The following TCF20 variants were observed in gnomAD, a reference collection of about 807,000 sequenced individuals.
TCF20 encodes SPRE-binding protein.
In TCF20, 3 loss-of-function variants were observed where a neutral mutation model predicts 148.6. The observed-to-expected ratio is 0.02, with a 90% CI of 0.01 to 0.05. The LOEUF (loss-of-function observed/expected upper bound fraction) is 0.05, where lower values mean the gene tolerates loss of function less well. Among genes scored for constraint, TCF20 ranks in the 10% least tolerant of loss-of-function variants. The pLI is 1.00. For missense variants in TCF20, 2,350 were observed against 2,429.3 expected, an observed-to-expected ratio of 0.97 and a Z score of 0.69; for synonymous variants, 1,049 against 909.5, an observed-to-expected ratio of 1.15 and a Z score of -2.76.
At chr22:42,324,012 T>G (rs1261888132) in intron 1 of TCF20, among the ~76,000 whole-genome samples, 3 of 16,040 alleles carry the variant, frequency 1.9e-4, no homozygotes, top group African/African-American at 7.3e-4. Flanking sequence ...TGGCGGAGGT[T>G]ATGGTGGTGG....
At chr22:42,233,658 A>T (rs1569171524) in intron 1 of TCF20, among the ~76,000 whole-genome samples, 1 of 152,260 alleles carries the variant, frequency 6.6e-6, no homozygotes, top group Non-Finnish European at 1.5e-5. Context: ...CAGAGCAAGC[A>T]ATCGAACACT....
At chr22:42,269,514 T>G (rs1055598630) in intron 1 of TCF20, among the ~76,000 whole-genome samples, 85 of 152,238 alleles carry the variant, frequency 5.6e-4, no homozygotes, top group African/African-American at 1.9e-3. Context: ...CAGAGGACAG[T>G]GCACCTCCCG....
rs1476273940 is a variant in TCF20, at chr22:42,270,446, G to A, written c.-144C>T. ...GCGGGGTGGGGGTGGGGGTGGCTCC[G>A]CCGCCTCCAGCTCGGGCGCCCGGGC... On this transcript the variant is annotated 5_prime_UTR_variant, in exon 1 of 6. Coordinates refer to ENST00000677622, the MANE Select transcript of TCF20 (RefSeq NM_001378418.1). 1.4e-5 allele frequency among the ~76,000 whole-genome samples: 2 copies of A among 144,512 alleles called. No homozygotes were observed. Among genetic ancestry groups the A allele is most frequent in the Non-Finnish European group, 1.5e-5 (1 of 65,236 alleles). The allele number at this position is 144,512 out of a possible 152,430, so 94.8% of individuals were successfully genotyped here.
chr22:42,187,038 T>C (rs1198894706), intron 2 of TCF20, among the ~76,000 whole-genome samples: 7 of 152,200 alleles, frequency 4.6e-5, no homozygotes, highest in African/African-American at 1.7e-4. Context: ...AATGACTCCT[T>C]TGCTGCCTGC....
intron 1 of TCF20, among the ~76,000 whole-genome samples, chr22:42,216,696 A>G (rs571338457): frequency 1.2e-4 from 19 of 152,354 alleles, no homozygotes; most frequent in African/African-American, 4.3e-4. Flanking sequence ...GGCCATTACT[A>G]TGAAAGAATT....
chr22:42,174,663 G>A (rs1936327896), intron 3 of TCF20, among the ~76,000 whole-genome samples: 2 of 152,136 alleles, frequency 1.3e-5, no homozygotes, highest in African/African-American at 4.8e-5. Context: ...AGGATCGCTT[G>A]AGCCTAAGAG....
chr22:42,168,195 A>G (rs549181851), intron 5 of TCF20, among the ~76,000 whole-genome samples: 1 of 152,252 alleles, frequency 6.6e-6, no homozygotes, highest in Non-Finnish European at 1.5e-5. Flanking sequence ...AAAACACACC[A>G]TAAGCTTTAC....
intron 1 of TCF20, among the ~76,000 whole-genome samples, chr22:42,258,859 A>G (rs963909172): frequency 2.6e-5 from 4 of 152,188 alleles, no homozygotes; most frequent in African/African-American, 9.7e-5. Context: ...AAGTATTTAT[A>G]TTAAAAGAAA....
intron 1 of TCF20, among the ~76,000 whole-genome samples, chr22:42,332,925 G>A (rs970419002): frequency 3.9e-5 from 6 of 152,322 alleles, no homozygotes; most frequent in African/African-American, 1.4e-4. Flanking sequence ...GCAGGTGGGG[G>A]TTGACTGGGA....
At chr22:42,204,933 G>A (rs1018066037) in intron 2 of TCF20, among the ~76,000 whole-genome samples, 3 of 152,084 alleles carry the variant, frequency 2.0e-5, no homozygotes, top group Non-Finnish European at 4.4e-5. Context: ...AGTTTCCCAA[G>A]GGGGGTTGGA....
chr22:42,251,492 CTTTTTTTTTTTTTTTTTT>C (rs71184878), intron 1 of TCF20, among the ~76,000 whole-genome samples: 1 of 47,008 alleles, frequency 2.1e-5, no homozygotes, highest in Non-Finnish European at 3.7e-5. Flanking sequence ...AAACAAGTGT[CTTTTTTTTTTTTTTTTTT>C]TTTTTTTTTT....
chr22:42,274,643 A>G (rs2147009823), upstream of TCF20: 1 of 152,310 alleles, frequency 6.6e-6, no homozygotes, highest in East Asian at 1.9e-4. Context: ...TTTGGCATGG[A>G]TTTGTTTCAC....
At chr22:42,283,118 G>C (rs118004585) in intron 1 of TCF20, among the ~76,000 whole-genome samples, 2,217 of 152,246 alleles carry the variant, frequency 0.015, 22 homozygotes, top group Non-Finnish European at 0.023. Context: ...CGGCTCCCTC[G>C]ACAGCCTGAA....
At chr22:42,270,290 C>T (rs1376633290) in intron 1 of TCF20, among the ~76,000 whole-genome samples, 49 bp downstream of exon 1, 3 of 151,990 alleles carry the variant, frequency 2.0e-5, no homozygotes, top group African/African-American at 7.2e-5. Context: ...CGGCCCCAGT[C>T]CTTCAGGCCC....
intron 1 of TCF20, among the ~76,000 whole-genome samples, chr22:42,321,527 G>T (rs1393162220): frequency 1.3e-5 from 2 of 151,306 alleles, no homozygotes; most frequent in African/African-American, 4.8e-5. Flanking sequence ...CAACAAAATG[G>T]ACTCCTTTTT....
At position 42,211,459 on chromosome 22, in the gene TCF20, G is replaced by A. The variant is rs138491277; in HGVS notation, c.3847C>T (p.Arg1283Cys). Residue 1283 changes from arginine to cysteine, a missense_variant, in exon 2 of 6, where the codon CGC becomes TGC. This residue lies in a region of TCF20 where 1,641 missense variants were observed against 1,662.6 expected (regional missense o/e 0.99). Transcript: ENST00000677622. ...VKNSSTEDKG[R>C]LLHSSKEGAD... is the part of the protein sequence containing the mutation. ...CCTTCTTTTGATGAGTGAAGGAGGC[G>A]ACCTTTATCTTCAGTGCTACTGTTC... The A allele has an allele frequency of 5.6e-6, 9 of 1,614,164 alleles. No individual in the cohort carries two copies. Among genetic ancestry groups the A allele is most frequent in the South Asian group, 1.1e-5 (1 of 91,080 alleles).
In TCF20 at chr22:42,178,252, G is replaced by A. The variant is rs148249186; in HGVS notation, c.5749+1357C>T. ...GGGTAAACACAAGTGAAGTGTTTCCGTGAATTCTGTGAGCCATGTTAAACA... is the reference window on the plus strand; with the variant it reads ...GGGTAAACACAAGTGAAGTGTTTCCATGAATTCTGTGAGCCATGTTAAACA... On this transcript the variant is annotated intron_variant, in intron 3 of 5. Transcript: ENST00000677622. Among the ~76,000 whole-genome samples, 450 of 152,242 alleles carry A rather than the reference G, an allele frequency of 3.0e-3. 9 individuals are homozygous for A. Among genetic ancestry groups the A allele is most frequent in the East Asian group, 0.02 (105 of 5,186 alleles).
rs550018298 is a variant in TCF20 at position 42,192,735 on chromosome 22, T to C, written c.5656-13033A>G. On this transcript the variant is annotated intron_variant, in intron 2 of 5. Transcript: ENST00000677622. ...TTTAATTTGGCAACAACATGAGACA[T>C]AGTCTCACATCTCATTTCAGGTCAC... Among the ~76,000 whole-genome samples, 7 of 152,254 alleles carry C rather than the reference T, an allele frequency of 4.6e-5. No homozygotes were observed. The South Asian group carries it at 1.2e-3, about 27-fold the overall frequency.
intron 2 of TCF20, among the ~76,000 whole-genome samples, chr22:42,190,643 AATCTACT>A (rs1937285201): frequency 1.3e-5 from 2 of 152,216 alleles, no homozygotes; most frequent in Admixed American, 1.3e-4. Flanking sequence ...TAAAGCTAAC[AATCTACT>A]ATTGCTACTA....
Sources: gnomAD v4.1 joint callset for allele counts (sites outside exome capture counted in the v4.1 genomes callset) on GRCh38, gnomAD v4.1.1 for gene constraint, gnomAD v4.1.1 regional missense constraint, MANE v1.5 for transcripts, NCBI Gene and HGNC (gene_info 2026-07-23, HGNC 2026-07-21) for gene names.